Variants in DNER observed in about 807,000 individuals in gnomAD.
The protein encoded by DNER is delta and Notch-like epidermal growth factor-related receptor.
In DNER, 33 loss-of-function variants were observed where a neutral mutation model predicts 78.2. The observed-to-expected ratio is 0.42, with a 90% CI of 0.32 to 0.56. The LOEUF (loss-of-function observed/expected upper bound fraction) is 0.56. DNER is among the 20% of genes least tolerant of loss of function. The pLI is 0.11. For synonymous variants in DNER, 417 were observed against 384.8 expected, an observed-to-expected ratio of 1.08 and a Z score of -0.98; for missense variants, 918 against 975.3, an observed-to-expected ratio of 0.94 and a Z score of 0.78.
At chr2:229,693,905 A>G (rs915608769) in intron 1 of DNER, among the ~76,000 whole-genome samples, 5 of 152,216 alleles carry the variant, frequency 3.3e-5, no homozygotes, top group African/African-American at 1.2e-4. Flanking sequence ...CATGAAAACA[A>G]TGGGAAAAAT....
At chr2:229,575,919 C>T (rs1433396656) in intron 4 of DNER, among the ~76,000 whole-genome samples, 1 of 152,138 alleles carries the variant, frequency 6.6e-6, no homozygotes, top group Non-Finnish European at 1.5e-5. Flanking sequence ...TATGAGGTCT[C>T]AATTTAAGTA....
rs781030812 is a variant in DNER, at chr2:229,387,885, GTGTGTGTT to G, written c.1855+372_1855+379del. On this transcript the variant is annotated intron_variant, in intron 11 of 12. Transcript: ENST00000341772. ...ATTCTGTGTGTGTGTGTGTGTGTGTGTGTGTGTTTTTTAATTTTCAACACAAAGACTCT... is the reference window on the plus strand; with the variant it reads ...ATTCTGTGTGTGTGTGTGTGTGTGTGTTTTAATTTTCAACACAAAGACTCT... 8.6e-4 allele frequency among the ~76,000 whole-genome samples: 108 copies of G among 125,850 alleles called. 1 individual carries two copies. The East Asian group carries it at 0.016, about 18-fold the overall frequency. The allele number at this position is 125,850 out of a possible 152,430, so 82.6% of individuals were successfully genotyped here. A position where few individuals can be genotyped will look rare whatever the true frequency, so the allele number is the denominator to read the frequency against.
chr2:229,466,556 T>C (rs1694810679), intron 7 of DNER, among the ~76,000 whole-genome samples: 1 of 152,106 alleles, frequency 6.6e-6, no homozygotes, highest in Admixed American at 6.5e-5. Context: ...CCCCTGATCA[T>C]ACTGTCCATG....
At chr2:229,424,244 A>C (rs1693826079) in intron 8 of DNER, among the ~76,000 whole-genome samples, 1 of 152,178 alleles carries the variant, frequency 6.6e-6, no homozygotes. Flanking sequence ...AGATGTGTTA[A>C]CTTGTTTAAT....
chr2:229,403,102 A>G (rs1028691389), intron 10 of DNER, among the ~76,000 whole-genome samples: 2 of 152,216 alleles, frequency 1.3e-5, no homozygotes, highest in Non-Finnish European at 2.9e-5. Context: ...GTATCTAATT[A>G]TATAGCAATG....
intron 1 of DNER, among the ~76,000 whole-genome samples, chr2:229,711,076 G>A (rs371368468): frequency 1.3e-5 from 2 of 151,828 alleles, no homozygotes; most frequent in African/African-American, 4.8e-5. Context: ...AGAGCAGGCA[G>A]CTCCCAAATG....
chr2:229,682,716 T>C (rs909755272), intron 1 of DNER, among the ~76,000 whole-genome samples: 2 of 151,992 alleles, frequency 1.3e-5, no homozygotes, highest in African/African-American at 4.8e-5. Context: ...GGCGTGGTGG[T>C]GGGGGCCTGT....
At chr2:229,528,945 GC>G (rs1350248651) in intron 5 of DNER, among the ~76,000 whole-genome samples, 1 of 152,200 alleles carries the variant, frequency 6.6e-6, no homozygotes, top group Non-Finnish European at 1.5e-5. Flanking sequence ...TCCTACCAGG[GC>G]ATAGCAGTGG....
chr2:229,367,512 A>C (rs2106326680), intron 11 of DNER, among the ~76,000 whole-genome samples: 1 of 152,256 alleles, frequency 6.6e-6, no homozygotes, highest in South Asian at 2.1e-4. Context: ...GAGGCAGTAG[A>C]ATCACTTGAA....
intron 4 of DNER, among the ~76,000 whole-genome samples, chr2:229,555,543 C>T (rs974569015): frequency 1.3e-5 from 2 of 152,182 alleles, no homozygotes; most frequent in Admixed American, 6.5e-5. Context: ...AGGCGTAAAA[C>T]ATCATGTACC....
chr2:229,713,440 C>T (rs915711777), intron 1 of DNER, among the ~76,000 whole-genome samples: 2 of 152,232 alleles, frequency 1.3e-5, no homozygotes, highest in Admixed American at 6.5e-5. Flanking sequence ...GCCCCGGCTG[C>T]CAGCCCCAAG....
intron 4 of DNER, among the ~76,000 whole-genome samples, chr2:229,555,368 CT>C (rs547807494): frequency 8.5e-5 from 13 of 152,142 alleles, no homozygotes; most frequent in Non-Finnish European, 1.3e-4. Flanking sequence ...ACACATCTTG[CT>C]CACCCCAACT....
intron 6 of DNER, among the ~76,000 whole-genome samples, chr2:229,488,077 C>A (rs1262389695): frequency 6.6e-6 from 1 of 152,232 alleles, no homozygotes; most frequent in East Asian, 1.9e-4. Context: ...TAAGGTCTCT[C>A]CTCCCTTCTC....
intron 1 of DNER, among the ~76,000 whole-genome samples, chr2:229,612,917 CA>C (rs1324679775): frequency 6.6e-6 from 1 of 152,160 alleles, no homozygotes; most frequent in African/African-American, 2.4e-5. Flanking sequence ...TTCCAATATA[CA>C]AAACTATTTT....
intron 6 of DNER, among the ~76,000 whole-genome samples, chr2:229,489,730 G>A (rs1695356624): frequency 6.6e-6 from 1 of 151,998 alleles, no homozygotes; most frequent in South Asian, 2.1e-4. Context: ...AGGAAGAAGA[G>A]GGTGGGAGAG....
At chr2:229,547,200 G>A in intron 4 of DNER, 108 bp from the exon 5 acceptor site, 1 of 1,454,160 alleles carries the variant, frequency 6.9e-7, no homozygotes, top group South Asian at 1.4e-5. Context: ...TTTAGTGTAG[G>A]CAGCACTCAA....
chr2:229,653,484 A>C (rs1294640565), intron 1 of DNER, among the ~76,000 whole-genome samples: 1 of 151,952 alleles, frequency 6.6e-6, no homozygotes. Flanking sequence ...TTCACTCTAC[A>C]GTTTTTCTTC....
chr2:229,552,646 T>C (rs1043618978), intron 4 of DNER, among the ~76,000 whole-genome samples: 10 of 152,298 alleles, frequency 6.6e-5, no homozygotes, highest in East Asian at 1.9e-4. Context: ...CCTTCCACTA[T>C]GTTTGTAAGT....
At chr2:229,430,894 T>C (rs987922619) in intron 8 of DNER, among the ~76,000 whole-genome samples, 1 of 151,986 alleles carries the variant, frequency 6.6e-6, no homozygotes, top group African/African-American at 2.4e-5. Flanking sequence ...CTTTTTAAAA[T>C]ATTTTTTTAG....
Sources: allele counts gnomAD v4.1 joint callset (sites outside exome capture counted in the v4.1 genomes callset), GRCh38; gene constraint gnomAD v4.1.1; transcripts MANE v1.5; gene names NCBI Gene and HGNC (gene_info 2026-07-23, HGNC 2026-07-21).